The following COL4A5 variants were observed in gnomAD, a reference collection of about 807,000 sequenced individuals.
COL4A5 encodes collagen type IV alpha 5 chain, also known as collagen alpha-5(IV) chain.
In COL4A5, 26 loss-of-function variants were observed where a neutral mutation model predicts 130.2. The ratio of observed to expected loss-of-function variants is 0.20; its 90% CI spans 0.15 to 0.28. The LOEUF is 0.28. Ranked by LOEUF, COL4A5 falls within the 10% of genes least tolerant of loss-of-function variation. COL4A5 has a pLI of 1.00. For synonymous variants in COL4A5, 496 were observed against 439.6 expected (o/e 1.13, Z -1.60); for missense variants, 1,131 against 1,344.3 (o/e 0.84, Z 2.48).
intron 44 of COL4A5, among the ~76,000 whole-genome samples, chrX:108,680,169 T>C (rs1429524092): frequency 8.9e-6 from 1 of 112,182 alleles, no homozygotes; most frequent in Non-Finnish European, 1.9e-5. Context: ...GTCTGCCAGA[T>C]GTTTCTTTCA....
chrX:108,687,398 A>G (rs2068566231), intron 48 of COL4A5, 84 bp from the exon 49 acceptor site: 2 of 804,782 alleles, frequency 2.5e-6, no homozygotes, highest in Non-Finnish European at 3.8e-6. Context: ...AACTAGTCAA[A>G]TGAGGTCATA....
chrX:108,473,633 A>ATATATATATATATATATTTTTTTTTTTT, intron 1 of COL4A5, among the ~76,000 whole-genome samples: 3 of 34,567 alleles, frequency 8.7e-5, no homozygotes, highest in African/African-American at 3.2e-4. Context: ...ATATATATAT[A>ATATATATATATATATATTTTTTTTTTTT]TTTTTTTTTT....
intron 2 of COL4A5, among the ~76,000 whole-genome samples, chrX:108,546,167 A>G (rs1239093818): frequency 1.8e-5 from 2 of 111,605 alleles, no homozygotes; most frequent in African/African-American, 3.3e-5. Context: ...TTAGCTGGTT[A>G]TTTTGCTCGT....
At chrX:108,625,652 G>T (rs983687527) in intron 34 of COL4A5, 53 bp from the exon 35 acceptor site, 35 of 808,229 alleles carry the variant, frequency 4.3e-5, no homozygotes, top group Non-Finnish European at 6.2e-5. Flanking sequence ...CATGAAACCA[G>T]ACAACCCCAA....
intron 43 of COL4A5, among the ~76,000 whole-genome samples, chrX:108,675,867 A>G (rs1002488280): frequency 1.7e-4 from 19 of 112,148 alleles, no homozygotes; most frequent in South Asian, 3.7e-4. Context: ...TAATTTTTAC[A>G]TTGTATCTCA....
chrX:108,633,671 A>G (rs765495264), intron 36 of COL4A5, among the ~76,000 whole-genome samples: 2 of 111,470 alleles, frequency 1.8e-5, no homozygotes, highest in Non-Finnish European at 3.8e-5. Context: ...ATTCAACTCT[A>G]CAAGCAAGAG....
At chrX:108,554,709 A>G (rs2065799304) in intron 2 of COL4A5, among the ~76,000 whole-genome samples, 1 of 110,576 alleles carries the variant, frequency 9.0e-6, no homozygotes, top group African/African-American at 3.3e-5. Flanking sequence ...AAAAATATAA[A>G]AATTGGCTGG....
At chrX:108,591,316 A>C in intron 20 of COL4A5, 85 bp downstream of exon 20, 1 of 951,763 alleles carries the variant, frequency 1.1e-6, no homozygotes, top group Non-Finnish European at 1.5e-6. Context: ...GGTTGGCCTC[A>C]TTTGTTGCGT....
chrX:108,613,178 C>T (rs1011935168), intron 29 of COL4A5, among the ~76,000 whole-genome samples: 3 of 112,306 alleles, frequency 2.7e-5, no homozygotes, highest in African/African-American at 9.7e-5. Flanking sequence ...TATCAAACTT[C>T]TGGAACAGAA....
chrX:108,581,164 T>C, intron 16 of COL4A5, 137 bp downstream of exon 16: 1 of 563,935 alleles, frequency 1.8e-6, no homozygotes, highest in Non-Finnish European at 2.9e-6. Flanking sequence ...TATCCAGTCT[T>C]TGTCTTTTGA....
intron 2 of COL4A5, among the ~76,000 whole-genome samples, chrX:108,547,068 C>T (rs1031478743): frequency 2.7e-5 from 3 of 112,164 alleles, no homozygotes; most frequent in Non-Finnish European, 5.6e-5. Flanking sequence ...CCTCCTTTAG[C>T]TCAAAGAAGT....
At chrX:108,543,546 C>T (rs1256756780) in intron 2 of COL4A5, among the ~76,000 whole-genome samples, 1 of 111,173 alleles carries the variant, frequency 9.0e-6, no homozygotes, top group African/African-American at 3.3e-5. Flanking sequence ...TAGTATGATG[C>T]CTCCAGCTTT....
At position 108,620,361 on chromosome X, in the gene COL4A5, C is replaced by G; in HGVS notation, c.2612C>G (p.Pro871Arg). ...ERGSPGIPGA[P>R]GPIGPPGSPG... ...GGCAGTCCAGGGATCCCCGGAGCAC[C>G]TGGTCCTATAGGACCTCCAGGATCA... The change falls in exon 31 of 53, where the codon CCT becomes CGT. Residue 871 changes from proline (P) to arginine (R), a missense_variant. Physicochemically the swap from Pro to Arg is moderately radical, Grantham distance 103. Coordinates refer to ENST00000328300, the MANE Select transcript of COL4A5 (RefSeq NM_033380.3). 2.5e-6 allele frequency: 3 copies of G among 1,209,282 alleles called. No homozygotes were observed. The highest frequency in any genetic ancestry group is 3.5e-5 in the South Asian group (2 of 56,917).
chrX:108,595,841 C>T (rs2066506144), intron 22 of COL4A5, among the ~76,000 whole-genome samples: 1 of 112,105 alleles, frequency 8.9e-6, no homozygotes, highest in Admixed American at 9.4e-5. Context: ...TATATCTTCC[C>T]CATTTTCCAT....
intron 2 of COL4A5, among the ~76,000 whole-genome samples, chrX:108,549,866 A>G (rs189323822): frequency 1.8e-5 from 2 of 112,109 alleles, no homozygotes; most frequent in East Asian, 5.6e-4. Flanking sequence ...TAAAAGATCA[A>G]TAAGGGACTA....
chrX:108,543,418 A>C (rs1040437039), intron 2 of COL4A5, among the ~76,000 whole-genome samples: 4 of 111,347 alleles, frequency 3.6e-5, no homozygotes, highest in African/African-American at 1.3e-4. Context: ...AGAAAGTTGT[A>C]GATGTGTGGT....
chrX:108,617,833 GA>G (rs1007973612), intron 30 of COL4A5, among the ~76,000 whole-genome samples: 19 of 108,738 alleles, frequency 1.7e-4, no homozygotes, highest in African/African-American at 6.0e-4. Flanking sequence ...AGCTAAAGAG[GA>G]AAAAAAAATT....
intron 3 of COL4A5, among the ~76,000 whole-genome samples, chrX:108,562,059 A>G (rs1460759884): frequency 1.8e-5 from 2 of 112,205 alleles, no homozygotes; most frequent in Non-Finnish European, 3.8e-5. Flanking sequence ...CAGAAGTATC[A>G]GAGATATCTG....
At chrX:108,495,905 C>G (rs2065030756) in intron 1 of COL4A5, among the ~76,000 whole-genome samples, 1 of 112,324 alleles carries the variant, frequency 8.9e-6, no homozygotes, top group Non-Finnish European at 1.9e-5. Context: ...TCCAATCTGC[C>G]AGTAGCAGAG....
Sources: gnomAD v4.1 joint callset for allele counts (sites outside exome capture counted in the v4.1 genomes callset) on GRCh38, gnomAD v4.1.1 for gene constraint, MANE v1.5 for transcripts, NCBI Gene and HGNC (gene_info 2026-07-23, HGNC 2026-07-21) for gene names.